Variants in XRRA1 observed in about 807,000 individuals in gnomAD.
The protein encoded by XRRA1 is X-ray radiation resistance associated 1.
In XRRA1, 69 loss-of-function variants were observed where a neutral mutation model predicts 80.2. The ratio of observed to expected loss-of-function variants is 0.86; its 90% CI spans 0.71 to 1.05. The LOEUF (loss-of-function observed/expected upper bound fraction) is 1.05, where lower values mean the gene tolerates loss of function less well. Ranked by LOEUF, XRRA1 falls within the 50% of genes least tolerant of loss-of-function variation. XRRA1 has a pLI of 0.00. For missense variants in XRRA1, 967 were observed against 976.4 expected, an observed-to-expected ratio of 0.99 and a Z score of 0.13; for synonymous variants, 348 against 389.9, an observed-to-expected ratio of 0.89 and a Z score of 1.27.
intron 10 of XRRA1, among the ~76,000 whole-genome samples, chr11:74,868,340 A>G (rs1290788063): frequency 6.6e-6 from 1 of 152,238 alleles, no homozygotes; most frequent in Admixed American, 6.5e-5. Flanking sequence ...TTTCATTACT[A>G]TCCGACCAGA....
rs569636674 is a variant in XRRA1 at position 74,891,907 on chromosome 11, A to T, written c.1003+14332T>A. Among the ~76,000 whole-genome samples the T allele has an allele frequency of 2.0e-5, 3 of 152,310 alleles. No homozygotes were observed. In the South Asian group the frequency reaches 6.2e-4, roughly 32 times the overall value. On this transcript the variant is annotated intron_variant, in intron 10 of 18. Transcript: ENST00000684022. ...CCACTGCTCAATGAAATAAAAGAGGATACAAACAAATGGAAGAACCTTCCA... is the reference window on the plus strand; with the variant it reads ...CCACTGCTCAATGAAATAAAAGAGGTTACAAACAAATGGAAGAACCTTCCA...
At chr11:74,905,658 C>T (rs1339739786) in intron 10 of XRRA1, among the ~76,000 whole-genome samples, 1 of 152,168 alleles carries the variant, frequency 6.6e-6, no homozygotes, top group East Asian at 1.9e-4. Context: ...CCAGCAGTAG[C>T]TGAATCTAGT....
intron 7 of XRRA1, among the ~76,000 whole-genome samples, chr11:74,921,718 C>T (rs889786414): frequency 2.0e-5 from 3 of 152,166 alleles, no homozygotes; most frequent in Non-Finnish European, 4.4e-5. Context: ...TTCTCAATTC[C>T]CCAGACAGAT....
At position 74,848,208 on chromosome 11, in the gene XRRA1, G is replaced by A. The variant is rs747194605; in HGVS notation, c.1635C>T (p.Thr545=). Residue 545 remains threonine (T), a synonymous_variant, in exon 15 of 19, where the codon ACC becomes ACT. Coordinates refer to ENST00000684022, the MANE Select transcript of XRRA1 (RefSeq NM_001378157.1). ...CAGTTGTGTCACTCAGGTGGGACAG[G>A]GTCTCTTCACTATGCACAGTGGAGT... The part of the protein sequence containing the change: ...CSNSTVHSEE[T]LSHLSDTTVR... 1.9e-6 allele frequency: 3 copies of A among 1,613,896 alleles called. No individual in the cohort carries two copies. In the South Asian group the frequency reaches 3.3e-5, roughly 18 times the overall value.
intron 15 of XRRA1, 104 bp from the exon 16 acceptor site, chr11:74,845,375 A>G (rs1296227426): frequency 2.4e-6 from 3 of 1,228,300 alleles, no homozygotes; most frequent in African/African-American, 1.5e-5. Flanking sequence ...GGCCCTGTTA[A>G]GGGCAAGGGT....
At chr11:74,867,055 T>C (rs189851419) in intron 10 of XRRA1, among the ~76,000 whole-genome samples, 2 of 152,248 alleles carry the variant, frequency 1.3e-5, no homozygotes, top group Non-Finnish European at 2.9e-5. Context: ...ACATTAAGCA[T>C]GGACACCAGT....
At chr11:74,913,372 A>G (rs959119245) in intron 8 of XRRA1, among the ~76,000 whole-genome samples, 2 of 152,242 alleles carry the variant, frequency 1.3e-5, no homozygotes, top group African/African-American at 4.8e-5. Flanking sequence ...ATTGTGAAGA[A>G]GATATCCTTT....
At chr11:74,878,506 G>GCAA (rs2046634001) in intron 10 of XRRA1, among the ~76,000 whole-genome samples, 1 of 152,134 alleles carries the variant, frequency 6.6e-6, no homozygotes, top group Non-Finnish European at 1.5e-5. Flanking sequence ...TGTTGCCATT[G>GCAA]CTTTTGGTGT....
intron 14 of XRRA1, among the ~76,000 whole-genome samples, chr11:74,849,187 G>A (rs2039133605): frequency 2.0e-5 from 3 of 152,152 alleles, no homozygotes; most frequent in South Asian, 4.1e-4. Context: ...GAGGTATTTG[G>A]TTCACTTATA....
intron 15 of XRRA1, among the ~76,000 whole-genome samples, chr11:74,846,495 C>A (rs1372313178): frequency 6.6e-6 from 1 of 152,078 alleles, no homozygotes; most frequent in African/African-American, 2.4e-5. Context: ...AGGAAAAATA[C>A]AAAGCAGTAT....
In XRRA1 at chr11:74,949,070, C is replaced by T; in HGVS notation, c.-215G>A. On this transcript the variant is annotated 5_prime_UTR_variant, in exon 1 of 19. Transcript: ENST00000684022. Reference sequence around the variant, plus strand: ...CGCTATCTTCCCCACGCCTTAGTAACTGCGACGCGACGGCAGACAGTGTAG... The same window carrying T: ...CGCTATCTTCCCCACGCCTTAGTAATTGCGACGCGACGGCAGACAGTGTAG... 2.1e-6 allele frequency: 1 copy of T among 469,010 alleles called. No homozygotes were observed. Among genetic ancestry groups the T allele is most frequent in the Non-Finnish European group, 3.8e-6 (1 of 262,442 alleles). The allele number at this position is 469,010 out of a possible 1,614,324, so 29.1% of individuals were successfully genotyped here.
chr11:74,852,610 C>T (rs943153810), intron 12 of XRRA1, among the ~76,000 whole-genome samples: 2 of 152,162 alleles, frequency 1.3e-5, no homozygotes, highest in African/African-American at 4.8e-5. Flanking sequence ...AGGACCCACA[C>T]ATCTAAGGGA....
At chr11:74,856,538 T>A (rs1196775878) in intron 12 of XRRA1, among the ~76,000 whole-genome samples, 1 of 152,240 alleles carries the variant, frequency 6.6e-6, no homozygotes, top group Non-Finnish European at 1.5e-5. Flanking sequence ...GACACTGGCC[T>A]GCCTGTGGCA....
chr11:74,858,142 A>C (rs2041540036), intron 12 of XRRA1, among the ~76,000 whole-genome samples: 1 of 152,236 alleles, frequency 6.6e-6, no homozygotes, highest in Non-Finnish European at 1.5e-5. Context: ...AATCCAGTGA[A>C]ACCAGCAGCT....
At chr11:74,908,959 G>A (rs2055250801) in intron 8 of XRRA1, among the ~76,000 whole-genome samples, 2 of 152,186 alleles carry the variant, frequency 1.3e-5, no homozygotes, top group African/African-American at 2.4e-5. Flanking sequence ...ACAGAGAGGA[G>A]GAGGTGTGAA....
chr11:74,882,121 T>A (rs1472530615), intron 10 of XRRA1, among the ~76,000 whole-genome samples: 3 of 152,084 alleles, frequency 2.0e-5, no homozygotes, highest in African/African-American at 7.2e-5. Context: ...TTGGTTCCAT[T>A]CTCCCCATCA....
In XRRA1 at chr11:74,902,342, T is replaced by A. The variant is rs542936304; in HGVS notation, c.1003+3897A>T. Among the ~76,000 whole-genome samples, 5 of 152,284 alleles carry A rather than the reference T, an allele frequency of 3.3e-5. No homozygotes were observed. In the East Asian group the frequency reaches 9.7e-4, roughly 29 times the overall value. On this transcript the variant is annotated intron_variant, in intron 10 of 18. Coordinates refer to ENST00000684022, the MANE Select transcript of XRRA1 (RefSeq NM_001378157.1). The stretch of plus-strand genomic sequence containing the variant: ...GGAATGTAAATTAGCACAACCACTA[T>A]GAAGAACAGTTTGGAAGTTCCTCAC...
At chr11:74,893,637 A>G (rs1415073564) in intron 10 of XRRA1, among the ~76,000 whole-genome samples, 1 of 152,192 alleles carries the variant, frequency 6.6e-6, no homozygotes, top group African/African-American at 2.4e-5. Context: ...CATATGAAAA[A>G]ATGCTCAACA....
At chr11:74,914,787 C>T (rs578019088) in intron 8 of XRRA1, among the ~76,000 whole-genome samples, 1 of 150,164 alleles carries the variant, frequency 6.7e-6, no homozygotes, top group Admixed American at 6.7e-5. Context: ...CCACAGGATA[C>T]TATGTGATCA....
Sources: gnomAD v4.1 joint callset for allele counts (sites outside exome capture counted in the v4.1 genomes callset) on GRCh38, gnomAD v4.1.1 for gene constraint, MANE v1.5 for transcripts, NCBI Gene and HGNC (gene_info 2026-07-23, HGNC 2026-07-21) for gene names.